MANBA: variants seen among roughly 807,000 people sequenced by gnomAD.
MANBA encodes the protein beta-mannosidase.
In MANBA, 83 loss-of-function variants were observed where a neutral mutation model predicts 111.1. The observed-to-expected ratio is 0.75, with a 90% CI of 0.63 to 0.90. MANBA has a LOEUF of 0.90. Among genes scored for constraint, MANBA ranks in the 40% least tolerant of loss-of-function variants. The pLI is 0.00. For synonymous variants in MANBA, 370 were observed against 378.7 expected, an observed-to-expected ratio of 0.98 and a Z score of 0.27; for missense variants, 1,036 against 1,069.0, an observed-to-expected ratio of 0.97 and a Z score of 0.43.
In MANBA at chr4:102,664,741, A is replaced by C. The variant is rs1048997541; in HGVS notation, c.1429T>G (p.Tyr477Asp). 1 of 1,613,300 alleles carries C rather than the reference A, an allele frequency of 6.2e-7. No homozygotes were observed. The highest frequency in any genetic ancestry group is 1.3e-5 in the African/African-American group (1 of 74,942). ...YHISFTDRPI[Y>D]IKDYVTLYVK... ...TAGAGTGTCACATAGTCCTTGATGT[A>C]GATTGGCCGGTCAGTGAAACTGATA... is the stretch of plus-strand genomic sequence containing the variant. Residue 477 changes from tyrosine to aspartate, a missense_variant, in exon 11 of 17, where the codon TAC becomes GAC. By Grantham distance (160) the Tyr-to-Asp change is radical (BLOSUM62 -3). Coordinates refer to ENST00000647097, the MANE Select transcript of MANBA (RefSeq NM_005908.4).
chr4:102,639,379 A>G (rs1486262103), intron 14 of MANBA, among the ~76,000 whole-genome samples: 1 of 152,220 alleles, frequency 6.6e-6, no homozygotes, highest in African/African-American at 2.4e-5. Context: ...ATGCTTCTTT[A>G]GCCCTGGAAT....
intron 7 of MANBA, among the ~76,000 whole-genome samples, chr4:102,684,719 T>C (rs1560772374): frequency 6.6e-6 from 1 of 152,106 alleles, no homozygotes; most frequent in Non-Finnish European, 1.5e-5. Flanking sequence ...CCATATATAC[T>C]ATGACTTTTT....
At chr4:102,739,128 T>A (rs1723315636) in intron 1 of MANBA, among the ~76,000 whole-genome samples, 1 of 152,136 alleles carries the variant, frequency 6.6e-6, no homozygotes. Flanking sequence ...GATATTACAA[T>A]TGATACCACA....
intron 1 of MANBA, among the ~76,000 whole-genome samples, chr4:102,748,329 A>G (rs537900666): frequency 6.6e-6 from 1 of 152,356 alleles, no homozygotes; most frequent in Non-Finnish European, 1.5e-5. Flanking sequence ...TTCTTGGTAC[A>G]TAGTGTGCAC....
chr4:102,653,418 G>T (rs75412434), intron 12 of MANBA, among the ~76,000 whole-genome samples: 2 of 152,026 alleles, frequency 1.3e-5, no homozygotes, highest in Non-Finnish European at 2.9e-5. Flanking sequence ...TTTAATCACC[G>T]TGCAATATTG....
chr4:102,729,285 G>C, intron 1 of MANBA: 2 of 753,030 alleles, frequency 2.7e-6, no homozygotes, highest in South Asian at 2.7e-5. Flanking sequence ...GGTCATCCTC[G>C]TGCTTCCCAG....
chr4:102,655,582 A>T (rs1057325022), intron 12 of MANBA, among the ~76,000 whole-genome samples: 6 of 152,234 alleles, frequency 3.9e-5, no homozygotes, highest in African/African-American at 1.4e-4. Flanking sequence ...TGCTATTGGA[A>T]CAACTGGCTA....
At chr4:102,752,353 G>A in intron 1 of MANBA, 1 of 1,365,226 alleles carries the variant, frequency 7.3e-7, no homozygotes, top group Non-Finnish European at 1.0e-6. Context: ...CAGACTGTGG[G>A]ATCCCCGAAC....
In MANBA at chr4:102,745,461, G is replaced by T. The variant is rs563097375; in HGVS notation, c.177+15257C>A. 1.1e-4 allele frequency among the ~76,000 whole-genome samples: 16 copies of T among 152,214 alleles called. No individual in the cohort carries two copies. The South Asian group carries it at 2.7e-3, about 26-fold the overall frequency. On this transcript the variant is annotated intron_variant, in intron 1 of 16. Transcript: ENST00000647097. The stretch of plus-strand genomic sequence containing the variant: ...GTTGCCGCCATCACAAATCCATTTC[G>T]CAAAGCGTTGGTCAAGGGTGTATCT...
intron 7 of MANBA, among the ~76,000 whole-genome samples, chr4:102,679,321 T>C (rs1731861958): frequency 6.6e-6 from 1 of 151,930 alleles, no homozygotes; most frequent in Non-Finnish European, 1.5e-5. Context: ...TTTTAAGACC[T>C]CCTCTTCCAT....
At chr4:102,709,046 C>T (rs1721891959) in intron 5 of MANBA, among the ~76,000 whole-genome samples, 2 of 151,716 alleles carry the variant, frequency 1.3e-5, no homozygotes, top group African/African-American at 4.8e-5. Flanking sequence ...AGAGGCCAGG[C>T]GCAGTGGCTC....
rs554780446 is a variant in MANBA at position 102,657,666 on chromosome 4, T to C, written c.1704+16A>G. The C allele has an allele frequency of 6.0e-5, 94 of 1,568,916 alleles. 1 individual carries two copies. The South Asian group carries it at 1.0e-3, about 17-fold the overall frequency. The stretch of plus-strand genomic sequence containing the variant: ...TCTATCATTCTGAAACATTAGAAAA[T>C]CAAACGATGACTTACCTTTTCTAAT... On this transcript the variant is annotated intron_variant, in intron 12 of 16. Transcript: ENST00000647097.
chr4:102,683,260 C>G (rs893273223), intron 7 of MANBA, among the ~76,000 whole-genome samples: 2 of 151,882 alleles, frequency 1.3e-5, no homozygotes, highest in African/African-American at 4.8e-5. Context: ...CCTCCTCTGG[C>G]TTGGGAACTA....
At position 102,697,476 on chromosome 4, in the gene MANBA, T is replaced by G. The variant is rs952826066; in HGVS notation, c.674-6705A>C. On this transcript the variant is annotated intron_variant, in intron 5 of 16. Transcript: ENST00000647097. ...ACCCACTAAACTTGTCATCTATCAT[T>G]AGGTATATCTCCCAATGCTATCCCT... Among the ~76,000 whole-genome samples the G allele has an allele frequency of 2.0e-4, 30 of 151,468 alleles. No individual in the cohort carries two copies. In the East Asian group the frequency reaches 3.5e-3, roughly 18 times the overall value.
intron 7 of MANBA, among the ~76,000 whole-genome samples, chr4:102,686,491 T>C (rs941765676): frequency 2.6e-5 from 4 of 152,036 alleles, no homozygotes; most frequent in Non-Finnish European, 5.9e-5. Flanking sequence ...TTCAGAAGAG[T>C]TGCCTATATT....
chr4:102,734,280 G>C (rs964146909), intron 1 of MANBA: 2 of 1,397,298 alleles, frequency 1.4e-6, no homozygotes, highest in Non-Finnish European at 1.9e-6. Flanking sequence ...TCTTCCGGGG[G>C]AGAAGGGCAG....
chr4:102,753,597 A>C (rs1327990922), intron 1 of MANBA: 1 of 152,682 alleles, frequency 6.5e-6, no homozygotes, highest in Non-Finnish European at 1.5e-5. Flanking sequence ...GGAACTATAA[A>C]GATAGCTGAG....
intron 12 of MANBA, among the ~76,000 whole-genome samples, chr4:102,653,466 A>G (rs1283311308): frequency 6.6e-6 from 1 of 152,246 alleles, no homozygotes; most frequent in African/African-American, 2.4e-5. Flanking sequence ...TGAAAAATCA[A>G]TGTATCCCAA....
chr4:102,726,571 A>G lies in MANBA; in HGVS notation c.272+18T>C. ...AAAGTTCAAATAATAATAAAAATAC[A>G]CCCACAAACATACATACCTAATTTC... On this transcript the variant is annotated intron_variant, in intron 2 of 16. Transcript: ENST00000647097. The G allele has an allele frequency of 1.6e-6, 2 of 1,237,584 alleles. No homozygotes were observed. The highest frequency in any genetic ancestry group is 2.4e-6 in the Non-Finnish European group (2 of 845,546). The allele number at this position is 1,237,584 out of a possible 1,614,324, so 76.7% of individuals were successfully genotyped here.
Sources: gnomAD v4.1 joint callset for allele counts (sites outside exome capture counted in the v4.1 genomes callset) on GRCh38, gnomAD v4.1.1 for gene constraint, MANE v1.5 for transcripts, NCBI Gene and HGNC (gene_info 2026-07-23, HGNC 2026-07-21) for gene names.